The following CLYBL variants were observed in gnomAD, a reference collection of about 807,000 sequenced individuals.
CLYBL encodes the protein citramalyl-CoA lyase.
Under a neutral mutation model 38.9 loss-of-function variants are expected in CLYBL, and 31 were observed. That is an observed-to-expected ratio of 0.80 (90% confidence interval 0.60 to 1.08). The LOEUF (loss-of-function observed/expected upper bound fraction) is 1.08. Among genes scored for constraint, CLYBL ranks in the 50% least tolerant of loss-of-function variants. CLYBL has a pLI of 0.00. For missense variants in CLYBL, 434 were observed against 411.6 expected (o/e 1.05, Z -0.47); for synonymous variants, 171 against 158.6 (o/e 1.08, Z -0.59).
At chr13:99,648,499 A>G (rs10508039) in intron 1 of CLYBL, among the ~76,000 whole-genome samples, 39,039 of 152,158 alleles carry the variant, frequency 0.26, 6,160 homozygotes, top group East Asian at 0.59. Flanking sequence ...CTTGCTGTCA[A>G]TACCTTATGA....
downstream of CLYBL, among the ~76,000 whole-genome samples, chr13:99,897,487 C>T (rs76954178): frequency 2.0e-5 from 3 of 152,278 alleles, no homozygotes; most frequent in Admixed American, 6.5e-5. Flanking sequence ...TCAAGCTACC[C>T]GCACCTAAGT....
intron 2 of CLYBL, among the ~76,000 whole-genome samples, chr13:99,825,557 G>T: frequency 6.6e-6 from 1 of 152,148 alleles, no homozygotes; most frequent in East Asian, 1.9e-4. Flanking sequence ...AGATTATGAA[G>T]GGAAGGATTT....
Position 99,772,814 on chromosome 13 carries a change from TG to T in CLYBL, c.63-9del. On this transcript the variant is annotated splice_polypyrimidine_tract_variant and intron_variant, in intron 1 of 8. Transcript: ENST00000339105. ...TCATTCTGGACTAACCCCAATCACGTGTCTTGCAGGAAAGCGTCTCTAGCAG... is the reference window on the plus strand; with the variant it reads ...TCATTCTGGACTAACCCCAATCACGTTCTTGCAGGAAAGCGTCTCTAGCAG... 6.3e-7 allele frequency: 1 copy of T among 1,579,642 alleles called. No individual in the cohort carries two copies. Among genetic ancestry groups the T allele is most frequent in the African/African-American group, 1.4e-5 (1 of 72,918 alleles).
chr13:99,608,391 G>A (rs1276512719), intron 1 of CLYBL, among the ~76,000 whole-genome samples: 2 of 152,156 alleles, frequency 1.3e-5, no homozygotes, highest in Non-Finnish European at 2.9e-5. Context: ...AACTTCTTAC[G>A]TCTTCTTGCA....
chr13:99,734,571 G>T (rs1425129827), intron 1 of CLYBL, among the ~76,000 whole-genome samples: 3 of 152,076 alleles, frequency 2.0e-5, no homozygotes, highest in African/African-American at 7.2e-5. Flanking sequence ...AATAACCAGG[G>T]CCCATACACG....
At chr13:99,846,094 G>A (rs2051197888) in intron 2 of CLYBL, among the ~76,000 whole-genome samples, 1 of 151,948 alleles carries the variant, frequency 6.6e-6, no homozygotes, top group Admixed American at 6.6e-5. Flanking sequence ...CTCTGTTTGT[G>A]CCTGTGAATA....
chr13:99,724,453 G>A (rs746398244), intron 1 of CLYBL, among the ~76,000 whole-genome samples: 24 of 151,972 alleles, frequency 1.6e-4, no homozygotes, highest in Non-Finnish European at 2.9e-4. Context: ...ACCAGGCAGG[G>A]TTGGCAGCCG....
At chr13:99,742,353 A>G (rs901116106) in intron 1 of CLYBL, among the ~76,000 whole-genome samples, 2 of 152,208 alleles carry the variant, frequency 1.3e-5, no homozygotes, top group African/African-American at 4.8e-5. Context: ...TTTTATTATA[A>G]AAGGGGAAAT....
intron 1 of CLYBL, among the ~76,000 whole-genome samples, chr13:99,696,199 G>T (rs999974542): frequency 1.1e-4 from 17 of 151,306 alleles, no homozygotes; most frequent in African/African-American, 3.9e-4. Flanking sequence ...GTTATGGGAT[G>T]TATAGAAGTC....
At chr13:99,899,140 A>C (rs2052614680), downstream of CLYBL, among the ~76,000 whole-genome samples, 1 of 152,160 alleles carries the variant, frequency 6.6e-6, no homozygotes, top group Non-Finnish European at 1.5e-5. Flanking sequence ...TCCTATGAGG[A>C]TGTGGTAGTC....
At chr13:99,606,878 A>C in intron 1 of CLYBL, 121 bp downstream of exon 1, 1 of 1,270,644 alleles carries the variant, frequency 7.9e-7, no homozygotes, top group Non-Finnish European at 9.9e-7. Flanking sequence ...GCCGGACGGA[A>C]GCACCATGCG....
chr13:99,821,524 C>T (rs769932468), intron 2 of CLYBL, among the ~76,000 whole-genome samples: 9 of 152,034 alleles, frequency 5.9e-5, no homozygotes, highest in Non-Finnish European at 1.2e-4. Flanking sequence ...AAGGGCATAG[C>T]CAAGGAATTT....
intron 1 of CLYBL, among the ~76,000 whole-genome samples, chr13:99,708,757 G>T (rs1347402622): frequency 6.6e-6 from 1 of 152,142 alleles, no homozygotes; most frequent in Non-Finnish European, 1.5e-5. Flanking sequence ...CTCAGAATGT[G>T]ATTGTATTTG....
intron 1 of CLYBL, among the ~76,000 whole-genome samples, chr13:99,628,431 T>A (rs991919234): frequency 2.4e-4 from 36 of 152,162 alleles, no homozygotes; most frequent in African/African-American, 8.7e-4. Context: ...CAATATTGAG[T>A]GGAAAAGTTC....
chr13:99,659,554 C>T (rs1049623618), intron 1 of CLYBL, among the ~76,000 whole-genome samples: 1 of 152,038 alleles, frequency 6.6e-6, no homozygotes, highest in Non-Finnish European at 1.5e-5. Context: ...TTGGTGGAGT[C>T]CTGTTTTCTA....
intron 2 of CLYBL, among the ~76,000 whole-genome samples, chr13:99,812,868 A>G (rs1396116675): frequency 3.3e-5 from 5 of 152,222 alleles, no homozygotes; most frequent in South Asian, 2.1e-4. Context: ...GGGCCCTGTC[A>G]TGCCAAAGCT....
rs180962231 is a variant in CLYBL at position 99,628,803 on chromosome 13, A to G, written c.62+22046A>G. 2.4e-3 allele frequency among the ~76,000 whole-genome samples: 370 copies of G among 152,362 alleles called. 2 individuals carry two copies. Among genetic ancestry groups the G allele is most frequent in the Admixed American group, 5.8e-3 (88 of 15,302 alleles). ...CAAGAAACATCTGTCTATAAAAGGC[A>G]GGTACAATGGCCAGTTATTTCCTCC... On this transcript the variant is annotated intron_variant, in intron 1 of 8. Coordinates refer to ENST00000339105, the MANE Select transcript of CLYBL (RefSeq NM_206808.5).
At chr13:99,665,311 A>C (rs2047464146) in intron 1 of CLYBL, among the ~76,000 whole-genome samples, 1 of 151,432 alleles carries the variant, frequency 6.6e-6, no homozygotes, top group Admixed American at 6.6e-5. Flanking sequence ...CAATTTATAA[A>C]AACTAGGAAA....
At chr13:99,839,923 T>G (rs968701158) in intron 2 of CLYBL, among the ~76,000 whole-genome samples, 1 of 151,538 alleles carries the variant, frequency 6.6e-6, no homozygotes, top group Admixed American at 6.6e-5. Context: ...TCATTCATAT[T>G]TTTTTTTGTA....
Sources: gnomAD v4.1 joint callset for allele counts (sites outside exome capture counted in the v4.1 genomes callset) on GRCh38, gnomAD v4.1.1 for gene constraint, MANE v1.5 for transcripts, NCBI Gene and HGNC (gene_info 2026-07-23, HGNC 2026-07-21) for gene names.